ZNF85: variants seen among roughly 807,000 people sequenced by gnomAD.
ZNF85 encodes the protein zinc finger protein 85, also known as zinc finger protein 85 (HPF4, HTF1).
ZNF85 carries 50 observed loss-of-function variants against 53.9 expected under a neutral mutation model. The ratio of observed to expected loss-of-function variants is 0.93; its 90% CI spans 0.74 to 1.17. ZNF85 has a LOEUF of 1.17. Among genes scored for constraint, ZNF85 ranks in the 50% most tolerant of loss-of-function variants. The pLI is 0.00. For missense variants in ZNF85, 747 were observed against 688.5 expected, an observed-to-expected ratio of 1.08 and a Z score of -0.95; for synonymous variants, 225 against 226.1, an observed-to-expected ratio of 1.00 and a Z score of 0.04.
intron 1 of ZNF85, among the ~76,000 whole-genome samples, chr19:20,924,165 A>G (rs1972827716): frequency 6.6e-6 from 1 of 152,086 alleles, no homozygotes; most frequent in Non-Finnish European, 1.5e-5. Context: ...ATTGTAGAGC[A>G]CTCAGCTATG....
Position 20,950,262 on chromosome 19 carries a change from A to C in ZNF85, c.1748A>C (p.Lys583Thr). ...TTTAAATGGTCCTCAGTCCTTACTAAACATAAGATAATTCATACCGGAGAA... is the reference window on the plus strand; with the variant it reads ...TTTAAATGGTCCTCAGTCCTTACTACACATAAGATAATTCATACCGGAGAA... ...KAFKWSSVLT[K>T]HKIIHTGEKL... The change falls in exon 4 of 4, where the codon AAA becomes ACA. Residue 583 changes from lysine to threonine, a missense_variant. Coordinates refer to ENST00000328178, the MANE Select transcript of ZNF85 (RefSeq NM_003429.5). 1 of 1,561,854 alleles carries C rather than the reference A, an allele frequency of 6.4e-7. No individual in the cohort carries two copies. Among genetic ancestry groups the C allele is most frequent in the Non-Finnish European group, 8.6e-7 (1 of 1,159,956 alleles).
chr19:20,931,891 G>A (rs543917389), intron 1 of ZNF85, among the ~76,000 whole-genome samples: 1 of 152,282 alleles, frequency 6.6e-6, no homozygotes, highest in East Asian at 1.9e-4. Context: ...ATAGGCGTGA[G>A]CCACCAAGCC....
chr19:20,938,229 AG>A (rs1361620514), intron 3 of ZNF85, among the ~76,000 whole-genome samples: 2 of 152,052 alleles, frequency 1.3e-5, no homozygotes, highest in African/African-American at 2.4e-5. Context: ...ACCACCACAC[AG>A]GGCTAATTTT....
At chr19:20,931,262 A>G (rs1256139937) in intron 1 of ZNF85, among the ~76,000 whole-genome samples, 4 of 152,170 alleles carry the variant, frequency 2.6e-5, no homozygotes, top group Non-Finnish European at 4.4e-5. Context: ...ATTACATAGA[A>G]TGGAGCCAAA....
At chr19:20,930,503 C>A (rs1972990643) in intron 1 of ZNF85, among the ~76,000 whole-genome samples, 1 of 151,920 alleles carries the variant, frequency 6.6e-6, no homozygotes. Context: ...AATGGAAAGG[C>A]AGGGCTCTTT....
chr19:20,933,139 G>C (rs1306322060), intron 1 of ZNF85, among the ~76,000 whole-genome samples: 1 of 149,880 alleles, frequency 6.7e-6, no homozygotes, highest in Non-Finnish European at 1.5e-5. Context: ...CTTGCAGTGA[G>C]CTGAGATTGC....
chr19:20,923,844 A>G (rs985137861), intron 1 of ZNF85, among the ~76,000 whole-genome samples: 2 of 152,196 alleles, frequency 1.3e-5, no homozygotes, highest in South Asian at 4.1e-4. Context: ...CACTTTGGGA[A>G]GCCGAGGCGG....
chr19:20,931,104 G>A (rs375116611), intron 1 of ZNF85, among the ~76,000 whole-genome samples: 97 of 152,286 alleles, frequency 6.4e-4, no homozygotes, highest in African/African-American at 2.3e-3. Context: ...TGTACCAGAA[G>A]TATTTGGTTG....
chr19:20,944,634 A>G (rs529203640), intron 3 of ZNF85, among the ~76,000 whole-genome samples: 19 of 149,176 alleles, frequency 1.3e-4, no homozygotes, highest in Admixed American at 6.7e-4. Context: ...CTTTTTTGCT[A>G]TATTATTCTA....
At chr19:20,923,838 T>A (rs1972817517) in intron 1 of ZNF85, among the ~76,000 whole-genome samples, 1 of 152,130 alleles carries the variant, frequency 6.6e-6, no homozygotes, top group South Asian at 2.1e-4. Context: ...TTTCAGCACT[T>A]TGGGAAGCCG....
intron 1 of ZNF85, among the ~76,000 whole-genome samples, chr19:20,930,312 C>T (rs112871862): frequency 0.012 from 1,819 of 152,104 alleles, 34 homozygotes; most frequent in African/African-American, 0.035. Context: ...TATTTAACAA[C>T]TTGTTTTCTA....
intron 3 of ZNF85, among the ~76,000 whole-genome samples, chr19:20,938,732 A>T (rs1289580669): frequency 2.0e-5 from 3 of 152,168 alleles, no homozygotes. Context: ...AGTTTGCTGC[A>T]GGCAAAACGG....
chr19:20,925,981 A>G (rs1972871560), intron 1 of ZNF85, among the ~76,000 whole-genome samples: 1 of 152,222 alleles, frequency 6.6e-6, no homozygotes, highest in Non-Finnish European at 1.5e-5. Flanking sequence ...TTTGTTAAGA[A>G]TTCTCATTTA....
rs1973533745 is a variant in ZNF85 at position 20,949,920 on chromosome 19, T to C, written c.1406T>C (p.Leu469Pro). The C allele has an allele frequency of 1.9e-6, 3 of 1,612,214 alleles. No individual in the cohort carries two copies. The highest frequency in any genetic ancestry group is 2.5e-6 in the Non-Finnish European group (3 of 1,179,112). Residue 469 changes from leucine to proline, a missense_variant, in exon 4 of 4, where the codon CTT becomes CCT. Physicochemically the swap from Leu to Pro is moderately conservative, Grantham distance 98. Coordinates refer to ENST00000328178, the MANE Select transcript of ZNF85 (RefSeq NM_003429.5). ...CGKAFNQSSN[L>P]TRHKKSHTEE... ...AAAGCTTTTAACCAGTCCTCAAATC[T>C]TACTAGACATAAGAAAAGTCATACA...
At chr19:20,942,669 T>C (rs1252015604) in intron 3 of ZNF85, 8 of 563,598 alleles carry the variant, frequency 1.4e-5, no homozygotes, top group Non-Finnish European at 2.2e-5. Context: ...GTTTTATTTT[T>C]ACGTAATTTT....
chr19:20,943,280 G>A (rs935468788), intron 3 of ZNF85: 1 of 158,760 alleles, frequency 6.3e-6, no homozygotes, highest in East Asian at 1.8e-4. Flanking sequence ...GTGGAACCTG[G>A]TGGGAGATGT....
At chr19:20,933,533 A>G (rs1015632868) in intron 1 of ZNF85, among the ~76,000 whole-genome samples, 6 of 152,188 alleles carry the variant, frequency 3.9e-5, no homozygotes, top group African/African-American at 4.8e-5. Context: ...AGCTTGTTAG[A>G]AATTCAGACA....
At chr19:20,934,370 C>G (rs576115760) in intron 2 of ZNF85, among the ~76,000 whole-genome samples, 1 of 152,178 alleles carries the variant, frequency 6.6e-6, no homozygotes, top group Non-Finnish European at 1.5e-5. Context: ...GTATCCTTCA[C>G]TGTAGATTAC....
At chr19:20,938,068 A>G (rs113283357) in intron 3 of ZNF85, among the ~76,000 whole-genome samples, 1,818 of 152,180 alleles carry the variant, frequency 0.012, 34 homozygotes, top group African/African-American at 0.035. Flanking sequence ...CAGAACCCAG[A>G]CTAGTCTTGT....
Sources: allele counts gnomAD v4.1 joint callset (sites outside exome capture counted in the v4.1 genomes callset), GRCh38; gene constraint gnomAD v4.1.1; transcripts MANE v1.5; gene names NCBI Gene and HGNC (gene_info 2026-07-23, HGNC 2026-07-21).